DUS3L: variants seen among roughly 807,000 people sequenced by gnomAD.
DUS3L encodes dihydrouridine synthase 3 like, also known as tRNA-dihydrouridine(47) synthase [NAD(P)(+)]-like.
Under a neutral mutation model 74.6 loss-of-function variants are expected in DUS3L, and 62 were observed. The observed-to-expected ratio is 0.83, with a 90% CI of 0.68 to 1.03. The LOEUF is 1.03. Ranked by LOEUF, DUS3L falls within the 50% of genes least tolerant of loss-of-function variation. DUS3L has a pLI of 0.00. For synonymous variants in DUS3L, 433 were observed against 395.7 expected, an observed-to-expected ratio of 1.09 and a Z score of -1.12; for missense variants, 884 against 924.4, an observed-to-expected ratio of 0.96 and a Z score of 0.57.
At position 5,785,631 on chromosome 19, in the gene DUS3L, G is replaced by A. The variant is rs200112932; in HGVS notation, c.1723C>T (p.Leu575=). The A allele has an allele frequency of 4.2e-5, 67 of 1,610,018 alleles. No individual in the cohort carries two copies. The Middle Eastern group carries it at 2.2e-3, about 52-fold the overall frequency. Reference sequence around the variant, plus strand: ...CACAGGAAGGACAGCCACTCGAGCAGAAAGCGCCGGGTCTTCTCCACGCCC... The same window carrying A: ...CACAGGAAGGACAGCCACTCGAGCAAAAAGCGCCGGGTCTTCTCCACGCCC... ...TQGVEKTRRF[L]LEWLSFLCRY... is the part of the protein sequence containing the mutation. Residue 575 remains leucine, a synonymous_variant, in exon 11 of 13, where the codon CTG becomes TTG. Transcript: ENST00000309061.
rs769575003 is a variant in DUS3L, at chr19:5,785,180, G to A, written c.*23C>T. Reference sequence around the variant, plus strand: ...ATTTATTGTACTCTCCTCGCCCCAGGGTGCCCCTGGGAAAGCCTGAGGCTA... The same window carrying A: ...ATTTATTGTACTCTCCTCGCCCCAGAGTGCCCCTGGGAAAGCCTGAGGCTA... On this transcript the variant is annotated 3_prime_UTR_variant, in exon 13 of 13. Transcript: ENST00000309061. The A allele has an allele frequency of 3.8e-6, 6 of 1,591,116 alleles. No individual in the cohort carries two copies.
At position 5,789,192 on chromosome 19, in the gene DUS3L, G is replaced by A; in HGVS notation, c.900+15C>T. 1 of 1,516,748 alleles carries A rather than the reference G, an allele frequency of 6.6e-7. No homozygotes were observed. 94.0% of individuals were successfully genotyped at this position (1,516,748 alleles called of 1,614,324 possible). On this transcript the variant is annotated intron_variant, in intron 3 of 12. Coordinates refer to ENST00000309061, the MANE Select transcript of DUS3L (RefSeq NM_020175.3). Reference sequence around the variant, plus strand: ...GATGGACAGATCTGCTACTGACGTTGTCCTCAACACGTACCCGCTTCTTCT... The same window carrying A: ...GATGGACAGATCTGCTACTGACGTTATCCTCAACACGTACCCGCTTCTTCT...
Position 5,787,715 on chromosome 19 carries a change from G to A in DUS3L, c.1096-10C>T. ...GGAAGGCGCCCTCCAGCTGTAGGTG[G>A]GTAGTGGCAGAACAGGAGGGTGAGG... On this transcript the variant is annotated splice_polypyrimidine_tract_variant and intron_variant, in intron 5 of 12. Transcript: ENST00000309061. The A allele has an allele frequency of 1.9e-6, 3 of 1,612,156 alleles. No individual in the cohort carries two copies. The highest frequency in any genetic ancestry group is 2.5e-6 in the Non-Finnish European group (3 of 1,179,562).
chr19:5,791,104 CCAT>C lies in DUS3L; in HGVS notation c.35_37del (p.Asn12_Gly13delinsSer). 1 of 1,609,790 alleles carries C rather than the reference CCAT, an allele frequency of 6.2e-7. No homozygotes were observed. Among genetic ancestry groups the C allele is most frequent in the South Asian group, 1.1e-5 (1 of 89,994 alleles). ...TCCGGCTCCCGAGTCGCCACCACCA[CCAT>C]TCTCTAGAGGAGCCTCCGCCGTTCC... On this transcript the variant is annotated inframe_deletion, in exon 1 of 13. Transcript: ENST00000309061.
At chr19:5,787,226 T>TGGTGGGAGACGGC (rs2056860745) in intron 7 of DUS3L, 55 bp from the exon 8 acceptor site, 1 of 1,262,352 alleles carries the variant, frequency 7.9e-7, no homozygotes, top group Non-Finnish European at 1.0e-6. Flanking sequence ...TGGGAGACGG[T>TGGTGGGAGACGGC]GGGAGGTGGT....
At position 5,789,699 on chromosome 19, in the gene DUS3L, G is replaced by A. The variant is rs1367220481; in HGVS notation, c.408C>T (p.Phe136=). 78 of 1,607,522 alleles carry A rather than the reference G, an allele frequency of 4.9e-5. No homozygotes were observed. The highest frequency in any genetic ancestry group is 6.6e-5 in the Non-Finnish European group (78 of 1,178,008). Residue 136 remains phenylalanine (F), a synonymous_variant, in exon 3 of 13, where the codon TTC becomes TTT. Coordinates refer to ENST00000309061, the MANE Select transcript of DUS3L (RefSeq NM_020175.3). ...GCAGAAAGCGGCAGCGATCACCGAA[G>A]AAACACTTAGCAGCCGACTCCTGCG... The part of the protein sequence containing the change: ...SLIQESAAKC[F]FGDRCRFLHD...
At chr19:5,787,393 G>A in intron 6 of DUS3L, 32 bp from the exon 7 acceptor site, 2 of 1,608,964 alleles carry the variant, frequency 1.2e-6, no homozygotes, top group Non-Finnish European at 8.5e-7. Flanking sequence ...AGGGAGGGCA[G>A]GACGTGGGCT....
In DUS3L at chr19:5,788,101, T is replaced by G; in HGVS notation, c.1018A>C (p.Thr340Pro). ...DVTCGEMAVCTNLLQGQMSEW... is the reference protein window; with the variant it reads ...DVTCGEMAVCPNLLQGQMSEW... ...GACATCTGGCCCTGCAGCAGGTTGG[T>G]GCAGACGGCCATCTCTCCACATGTC... Residue 340 changes from threonine to proline, a missense_variant, in exon 5 of 13, where the codon ACC becomes CCC. Coordinates refer to ENST00000309061, the MANE Select transcript of DUS3L (RefSeq NM_020175.3). 1 of 1,613,724 alleles carries G rather than the reference T, an allele frequency of 6.2e-7. No homozygotes were observed. Among genetic ancestry groups the G allele is most frequent in the Non-Finnish European group, 8.5e-7 (1 of 1,180,002 alleles).
chr19:5,789,030 CCTCCTGAGGGCTGGGCCCAGGACAGAGCA>C, intron 3 of DUS3L, 148 bp downstream of exon 3: 1 of 954,950 alleles, frequency 1.0e-6, no homozygotes, highest in Non-Finnish European at 1.4e-6. Context: ...TCTGTCCCCA[CCTCCTGAGGGCTGGGCCCAGGACAGAGCA>C]CAGAGAGGGA....
intron 1 of DUS3L, 44 bp from the exon 2 acceptor site, chr19:5,790,379 T>C: frequency 6.2e-7 from 1 of 1,609,010 alleles, no homozygotes; most frequent in Non-Finnish European, 8.5e-7. Flanking sequence ...ACATAGTCAA[T>C]AAACACTGGG....
intron 1 of DUS3L, 94 bp from the exon 2 acceptor site, chr19:5,790,429 C>A: frequency 6.7e-7 from 1 of 1,483,260 alleles, no homozygotes; most frequent in South Asian, 1.2e-5. Flanking sequence ...TTAAATCCTT[C>A]TGCTGATGGG....
In DUS3L at chr19:5,791,148, C is replaced by T. The variant is rs1468585006; in HGVS notation, c.-7G>A. On this transcript the variant is annotated 5_prime_UTR_variant, in exon 1 of 13. Coordinates refer to ENST00000309061, the MANE Select transcript of DUS3L (RefSeq NM_020175.3). ...CCGCCGTTCCCTCCGCCATCGGCGC[C>T]CCTCACATCCGCTCTGGAGTGTGGC... is the stretch of plus-strand genomic sequence containing the variant. 3 of 1,599,640 alleles carry T rather than the reference C, an allele frequency of 1.9e-6. No homozygotes were observed. Among genetic ancestry groups the T allele is most frequent in the Non-Finnish European group, 2.6e-6 (3 of 1,173,506 alleles).
chr19:5,789,312 G>T lies in DUS3L; in HGVS notation c.795C>A (p.Val265=). 1.2e-6 allele frequency: 2 copies of T among 1,604,814 alleles called. No individual in the cohort carries two copies. The highest frequency in any genetic ancestry group is 8.5e-7 in the Non-Finnish European group (1 of 1,176,058). Residue 265 remains valine (V), a synonymous_variant, in exon 3 of 13, where the codon GTC becomes GTA. Coordinates refer to ENST00000309061, the MANE Select transcript of DUS3L (RefSeq NM_020175.3). ...PRQENCGAQQ[V]PAGPGTSTPP... Reference sequence around the variant, plus strand: ...GGGTGCTAGTGCCCGGCCCTGCGGGGACCTGCTGGGCACCACAGTTTTCCT... The same window carrying T: ...GGGTGCTAGTGCCCGGCCCTGCGGGTACCTGCTGGGCACCACAGTTTTCCT...
Position 5,786,859 on chromosome 19 carries a change from C to T in DUS3L, c.1390-14G>A, listed in dbSNP as rs773420260. ...GCGGCCGTGGAGCTGGGGGAGAAGC[C>T]GCCACGCAGGGTAGGAGGCAGAGAG... On this transcript the variant is annotated splice_polypyrimidine_tract_variant and intron_variant, in intron 8 of 12. Transcript: ENST00000309061. 1.9e-6 allele frequency: 3 copies of T among 1,600,360 alleles called. No individual in the cohort carries two copies. The highest frequency in any genetic ancestry group is 2.6e-6 in the Non-Finnish European group (3 of 1,174,960).
intron 2 of DUS3L, 142 bp downstream of exon 2, chr19:5,789,902 CGAG>C (rs542022408): frequency 4.9e-5 from 65 of 1,324,800 alleles, no homozygotes; most frequent in Non-Finnish European, 3.8e-5. Flanking sequence ...CAATGTATCC[CGAG>C]GAGAATGAAG....
chr19:5,787,157 C>T lies in DUS3L; in HGVS notation c.1293G>A (p.Pro431=), dbSNP rs547470779. Reference sequence around the variant, plus strand: ...CGCCTGTGCGGATCTTCACAGTCAGCGGCACATCCAGCACCTACAGGACGG... The same window carrying T: ...CGCCTGTGCGGATCTTCACAGTCAGTGGCACATCCAGCACCTACAGGACGG... ...VRGMNQVLDV[P]LTVKIRTGVQ... Residue 431 remains proline (P), a synonymous_variant, in exon 8 of 13, where the codon CCG becomes CCA. Transcript: ENST00000309061. The T allele has an allele frequency of 2.1e-5, 19 of 899,664 alleles. No individual in the cohort carries two copies. The East Asian group carries it at 6.5e-4, about 31-fold the overall frequency. The allele number at this position is 899,664 out of a possible 1,614,324, so 55.7% of individuals were successfully genotyped here.
At chr19:5,790,542 G>A (rs1250829521) in intron 1 of DUS3L, among the ~76,000 whole-genome samples, 1 of 152,020 alleles carries the variant, frequency 6.6e-6, no homozygotes, top group Non-Finnish European at 1.5e-5. Context: ...AAAGTGTTGC[G>A]CGAAACTATT....
At chr19:5,788,520 TG>T in intron 3 of DUS3L, 122 bp from the exon 4 acceptor site, 1 of 1,082,636 alleles carries the variant, frequency 9.2e-7, no homozygotes. Flanking sequence ...GCTCCTTTGC[TG>T]GGCCTCTGCA....
intron 8 of DUS3L, 100 bp downstream of exon 8, chr19:5,786,961 G>A (rs2056849415): frequency 2.0e-6 from 3 of 1,489,032 alleles, no homozygotes; most frequent in Non-Finnish European, 2.7e-6. Context: ...ACAGAGGGAG[G>A]TGTGGAGGTG....
Sources: allele counts gnomAD v4.1 joint callset (sites outside exome capture counted in the v4.1 genomes callset), GRCh38; gene constraint gnomAD v4.1.1; transcripts MANE v1.5; gene names NCBI Gene and HGNC (gene_info 2026-07-23, HGNC 2026-07-21).